FHIT: variants seen among roughly 807,000 people sequenced by gnomAD.
FHIT encodes bis(5'-adenosyl)-triphosphatase.
Under a neutral mutation model 17.9 loss-of-function variants are expected in FHIT, and 19 were observed. The observed-to-expected ratio is 1.06, with a 90% CI of 0.74 to 1.56. The LOEUF is 1.56. Ranked by LOEUF, FHIT falls within the 40% of genes most tolerant of loss-of-function variation. The pLI, the probability that FHIT is intolerant of heterozygous loss-of-function variation, is 0.00. For missense variants in FHIT, 248 were observed against 189.2 expected, an observed-to-expected ratio of 1.31 and a Z score of -1.82; for synonymous variants, 81 against 69.7, an observed-to-expected ratio of 1.16 and a Z score of -0.81.
At chr3:60,091,515 T>C (rs1295533584) in intron 5 of FHIT, among the ~76,000 whole-genome samples, 1 of 152,130 alleles carries the variant, frequency 6.6e-6, no homozygotes, top group African/African-American at 2.4e-5. Context: ...GAGCCACTCT[T>C]ATAAAGAAGA....
chr3:60,719,655 T>C (rs1165259660), intron 4 of FHIT, among the ~76,000 whole-genome samples: 1 of 152,170 alleles, frequency 6.6e-6, no homozygotes, highest in Admixed American at 6.5e-5. Flanking sequence ...ATTGAAAACC[T>C]ACTGAATCAG....
intron 5 of FHIT, among the ~76,000 whole-genome samples, chr3:60,372,698 C>G (rs1559862018): frequency 6.6e-6 from 1 of 152,170 alleles, no homozygotes; most frequent in East Asian, 1.9e-4. Context: ...TTTTAAAAAG[C>G]TGCCTCCTTT....
At chr3:59,954,513 G>C (rs1287190015) in intron 7 of FHIT, among the ~76,000 whole-genome samples, 1 of 152,108 alleles carries the variant, frequency 6.6e-6, no homozygotes, top group Non-Finnish European at 1.5e-5. Context: ...GCAAAGTGCT[G>C]AAGGAGATGG....
At chr3:61,160,127 A>G (rs115033088) in intron 2 of FHIT, among the ~76,000 whole-genome samples, 2,138 of 152,280 alleles carry the variant, frequency 0.014, 36 homozygotes, top group South Asian at 0.03. Context: ...AAATGTGCTA[A>G]TAATTTAGCT....
chr3:60,340,918 C>T (rs1396041921), intron 5 of FHIT, among the ~76,000 whole-genome samples: 1 of 152,142 alleles, frequency 6.6e-6, no homozygotes, highest in Non-Finnish European at 1.5e-5. Context: ...TCTCTAACTC[C>T]TGACCTTGTG....
chr3:60,085,101 T>A (rs1006541034), intron 5 of FHIT, among the ~76,000 whole-genome samples: 1 of 152,150 alleles, frequency 6.6e-6, no homozygotes, highest in Admixed American at 6.5e-5. Context: ...AGGCAAGTGA[T>A]CCTAGCTGGG....
In FHIT at chr3:60,630,934, TA is replaced by T. The variant is rs1202134208; in HGVS notation, c.-17-93956del. 9.8e-3 allele frequency among the ~76,000 whole-genome samples: 919 copies of T among 93,390 alleles called. 8 individuals carry two copies. Among genetic ancestry groups the T allele is most frequent in the African/African-American group, 0.03 (749 of 25,128 alleles). 61.3% of individuals were successfully genotyped at this position (93,390 alleles called of 152,430 possible). A position where few individuals can be genotyped will look rare whatever the true frequency, so the allele number is the denominator to read the frequency against. ...ATTTACTCACTTCTTCCCAGGTCAT[TA>T]AAAAAAAAAAAAAAAAAAAAACACA... On this transcript the variant is annotated intron_variant, in intron 4 of 9. Transcript: ENST00000492590.
chr3:60,160,134 GT>G (rs1700876150), intron 5 of FHIT, among the ~76,000 whole-genome samples: 1 of 145,088 alleles, frequency 6.9e-6, no homozygotes, highest in Non-Finnish European at 1.5e-5. Flanking sequence ...ATGTGTGTGT[GT>G]GTGTGTGTCT....
At chr3:61,071,136 C>A (rs1456985979) in intron 2 of FHIT, among the ~76,000 whole-genome samples, 5 of 152,010 alleles carry the variant, frequency 3.3e-5, no homozygotes, top group African/African-American at 1.2e-4. Context: ...CTCAGCAATC[C>A]CCTTGAGAAA....
At chr3:59,894,520 GCTC>G (rs772090920) in intron 8 of FHIT, among the ~76,000 whole-genome samples, 2 of 152,054 alleles carry the variant, frequency 1.3e-5, no homozygotes, top group African/African-American at 2.4e-5. Context: ...TTCAGAATCT[GCTC>G]CTCAACTCAA....
chr3:60,226,493 A>AAAAC (rs200934161), intron 5 of FHIT, among the ~76,000 whole-genome samples: 4 of 147,134 alleles, frequency 2.7e-5, no homozygotes, highest in African/African-American at 1.1e-4. Flanking sequence ...AAAAAAAAAA[A>AAAAC]ACACTGCCTG....
At chr3:60,218,801 G>A (rs956152608) in intron 5 of FHIT, among the ~76,000 whole-genome samples, 3 of 152,060 alleles carry the variant, frequency 2.0e-5, no homozygotes, top group Non-Finnish European at 4.4e-5. Flanking sequence ...TGACAGCTAA[G>A]TAAGTGACAT....
At chr3:61,053,541 C>T (rs181421383) in intron 2 of FHIT, among the ~76,000 whole-genome samples, 9 of 152,022 alleles carry the variant, frequency 5.9e-5, no homozygotes, top group Admixed American at 5.9e-4. Context: ...GGCTGTAATC[C>T]CAGCTACTCA....
chr3:61,107,036 A>G (rs2036012311), intron 2 of FHIT, among the ~76,000 whole-genome samples: 1 of 152,184 alleles, frequency 6.6e-6, no homozygotes, highest in Non-Finnish European at 1.5e-5. Flanking sequence ...CATGGTTATT[A>G]ACCATAGTCA....
At chr3:60,212,017 C>T (rs1703474153) in intron 5 of FHIT, among the ~76,000 whole-genome samples, 1 of 152,170 alleles carries the variant, frequency 6.6e-6, no homozygotes, top group African/African-American at 2.4e-5. Flanking sequence ...TAATAGTACA[C>T]TAGGTTAAAT....
At position 60,096,081 on chromosome 3, in the gene FHIT, G is replaced by T. The variant is rs531992441; in HGVS notation, c.104-81929C>A. Among the ~76,000 whole-genome samples the T allele has an allele frequency of 6.6e-5, 10 of 152,284 alleles. No homozygotes were observed. The South Asian group carries it at 2.1e-3, about 32-fold the overall frequency. On this transcript the variant is annotated intron_variant, in intron 5 of 9. Transcript: ENST00000492590. ...AGGGACCTCTGGCCAGTGACACCCT[G>T]CCCAGGCCTCACTCGGCCATGCTAC...
At chr3:60,023,457 C>T (rs927066692) in intron 5 of FHIT, among the ~76,000 whole-genome samples, 1 of 152,280 alleles carries the variant, frequency 6.6e-6, no homozygotes, top group Admixed American at 6.5e-5. Flanking sequence ...CAGGATTCTT[C>T]CAGTGCAAGC....
At chr3:60,239,795 C>T (rs1705033229) in intron 5 of FHIT, among the ~76,000 whole-genome samples, 1 of 152,120 alleles carries the variant, frequency 6.6e-6, no homozygotes, top group Non-Finnish European at 1.5e-5. Context: ...GACTACCTTA[C>T]TAATAGACTT....
chr3:60,716,947 A>G (rs1402657358), intron 4 of FHIT, among the ~76,000 whole-genome samples: 2 of 152,346 alleles, frequency 1.3e-5, no homozygotes, highest in South Asian at 2.1e-4. Flanking sequence ...TGTATATACA[A>G]TGGAATACTA....
Sources: gnomAD v4.1 joint callset for allele counts (sites outside exome capture counted in the v4.1 genomes callset) on GRCh38, gnomAD v4.1.1 for gene constraint, MANE v1.5 for transcripts, NCBI Gene and HGNC (gene_info 2026-07-23, HGNC 2026-07-21) for gene names.